HRH4: variants seen among roughly 807,000 people sequenced by gnomAD.
HRH4 encodes histamine H4 receptor.
In HRH4, 12 loss-of-function variants were observed where a neutral mutation model predicts 10.4. The observed-to-expected ratio is 1.15, with a 90% CI of 0.74 to 1.87. The LOEUF is 1.87. Among genes scored for constraint, HRH4 ranks in the 40% most tolerant of loss-of-function variants. HRH4 has a pLI of 0.00. For missense variants in HRH4, 415 were observed against 453.3 expected, an observed-to-expected ratio of 0.92 and a Z score of 0.77; for synonymous variants, 154 against 166.6, an observed-to-expected ratio of 0.92 and a Z score of 0.58.
chr18:24,467,139 A>G lies in HRH4; in HGVS notation c.194-1649A>G, dbSNP rs868295782. On this transcript the variant is annotated intron_variant, in intron 1 of 2. Transcript: ENST00000256906. ...TAGGTTCTTTAACTGTTAACTCAGC[A>G]TGGTCCCTTCCTCACAAAGTTTCTA... Among the ~76,000 whole-genome samples, 11 of 152,338 alleles carry G rather than the reference A, an allele frequency of 7.2e-5. No individual in the cohort carries two copies. In the South Asian group the frequency reaches 1.0e-3, roughly 14 times the overall value.
rs1166171131 is a variant in HRH4 at position 24,476,926 on chromosome 18, A to G, written c.537A>G (p.Ser179=). Residue 179 remains serine (S), a synonymous_variant, in exon 3 of 3, where the codon TCA becomes TCG. Coordinates refer to ENST00000256906, the MANE Select transcript of HRH4 (RefSeq NM_021624.4). ...AATGGTACATCCTTGCCATCACATC[A>G]TTCTTGGAATTCGTGATCCCAGTCA... is the stretch of plus-strand genomic sequence containing the variant. ...FSEWYILAIT[S]FLEFVIPVIL... is the part of the protein sequence containing the mutation. 2 of 1,614,128 alleles carry G rather than the reference A, an allele frequency of 1.2e-6. No individual in the cohort carries two copies. Among genetic ancestry groups the G allele is most frequent in the Non-Finnish European group, 8.5e-7 (1 of 1,180,024 alleles).
In HRH4 at chr18:24,477,435, T is replaced by C; in HGVS notation, c.1046T>C (p.Phe349Ser). ...WYRIAFWLQW[F>S]NSFVNPLLYP... ...AGAATTGCATTTTGGCTTCAGTGGT[T>C]CAATTCCTTTGTCAATCCTCTTTTG... The change falls in exon 3 of 3, where the codon TTC becomes TCC. Residue 349 changes from phenylalanine to serine, a missense_variant. Coordinates refer to ENST00000256906, the MANE Select transcript of HRH4 (RefSeq NM_021624.4). 1 of 1,614,058 alleles carries C rather than the reference T, an allele frequency of 6.2e-7. No homozygotes were observed. The highest frequency in any genetic ancestry group is 2.2e-5 in the East Asian group (1 of 44,896).
At chr18:24,474,199 C>T (rs1164116296) in intron 2 of HRH4, among the ~76,000 whole-genome samples, 1 of 151,792 alleles carries the variant, frequency 6.6e-6, no homozygotes, top group Non-Finnish European at 1.5e-5. Context: ...GTATTGTTAC[C>T]ATCTTCATAA....
At chr18:24,467,057 A>G (rs1185874463) in intron 1 of HRH4, among the ~76,000 whole-genome samples, 1 of 152,206 alleles carries the variant, frequency 6.6e-6, no homozygotes, top group South Asian at 2.1e-4. Flanking sequence ...TTCAGATGCA[A>G]TCTTCTCCAC....
chr18:24,476,959 C>A lies in HRH4; in HGVS notation c.570C>A (p.Val190=). 1 of 1,614,134 alleles carries A rather than the reference C, an allele frequency of 6.2e-7. No homozygotes were observed. The highest frequency in any genetic ancestry group is 1.1e-5 in the South Asian group (1 of 91,074). ...FLEFVIPVIL[V]AYFNMNIYWS... ...AATTCGTGATCCCAGTCATCTTAGT[C>A]GCTTATTTCAACATGAATATTTATT... The change falls in exon 3 of 3, where the codon GTC becomes GTA. Residue 190 remains valine, a synonymous_variant. Transcript: ENST00000256906.
Position 24,477,678 on chromosome 18 carries a change from T to G in HRH4, c.*116T>G. ...CAGATCTGCACTTTGAAGTCAATGGTAAATTACTCCAGTGAATAATAGCAG... is the reference window on the plus strand; with the variant it reads ...CAGATCTGCACTTTGAAGTCAATGGGAAATTACTCCAGTGAATAATAGCAG... On this transcript the variant is annotated 3_prime_UTR_variant, in exon 3 of 3. Transcript: ENST00000256906. 1 of 650,552 alleles carries G rather than the reference T, an allele frequency of 1.5e-6. No homozygotes were observed. Among genetic ancestry groups the G allele is most frequent in the South Asian group, 2.3e-5 (1 of 43,640 alleles). The allele number at this position is 650,552 out of a possible 1,614,324, so 40.3% of individuals were successfully genotyped here.
At chr18:24,471,405 G>A (rs536020470) in intron 2 of HRH4, among the ~76,000 whole-genome samples, 1 of 151,646 alleles carries the variant, frequency 6.6e-6, no homozygotes, top group East Asian at 1.9e-4. Context: ...AGGAGTTGGA[G>A]ACCAGCCTGG....
At chr18:24,475,886 T>C (rs1047670190) in intron 2 of HRH4, among the ~76,000 whole-genome samples, 1 of 152,124 alleles carries the variant, frequency 6.6e-6, no homozygotes, top group African/African-American at 2.4e-5. Context: ...TGGGTATCTG[T>C]AATCCCAGCT....
chr18:24,477,667 G>A lies in HRH4; in HGVS notation c.*105G>A. On this transcript the variant is annotated 3_prime_UTR_variant, in exon 3 of 3. Transcript: ENST00000256906. ...CATTCTACCAACAGATCTGCACTTT[G>A]AAGTCAATGGTAAATTACTCCAGTG... 4.3e-6 allele frequency: 3 copies of A among 697,926 alleles called. No homozygotes were observed. The South Asian group carries it at 6.5e-5, about 15-fold the overall frequency. The allele number at this position is 697,926 out of a possible 1,614,324, so 43.2% of individuals were successfully genotyped here. A position where few individuals can be genotyped will look rare whatever the true frequency, so the allele number is the denominator to read the frequency against.
intron 2 of HRH4, among the ~76,000 whole-genome samples, chr18:24,475,421 C>T (rs757451425): frequency 3.3e-5 from 5 of 152,084 alleles, no homozygotes; most frequent in African/African-American, 9.7e-5. Context: ...TCTAGGAGTT[C>T]GAGACCAGCA....
chr18:24,471,648 C>T (rs1245710095), intron 2 of HRH4, among the ~76,000 whole-genome samples: 1 of 85,342 alleles, frequency 1.2e-5, no homozygotes, highest in Non-Finnish European at 2.5e-5. Context: ...TGTAATAGAA[C>T]AAAATAAAAA....
At position 24,477,007 on chromosome 18, in the gene HRH4, T is replaced by A. The variant is rs750289020; in HGVS notation, c.618T>A (p.His206Gln). The change falls in exon 3 of 3, where the codon CAT becomes CAA. Residue 206 changes from histidine (H) to glutamine (Q), a missense_variant. By Grantham distance (24) the His-to-Gln change is conservative. Transcript: ENST00000256906. ...NIYWSLWKRDHLSRCQSHPGL... is the reference protein window; with the variant it reads ...NIYWSLWKRDQLSRCQSHPGL... ...ATTGGAGCCTGTGGAAGCGTGATCA[T>A]CTCAGTAGGTGCCAAAGCCATCCTG... 1 of 1,614,222 alleles carries A rather than the reference T, an allele frequency of 6.2e-7. No individual in the cohort carries two copies. Among genetic ancestry groups the A allele is most frequent in the Admixed American group, 1.7e-5 (1 of 60,034 alleles).
rs146397664 is a variant in HRH4, at chr18:24,462,415, T to A, written c.193+1494T>A. The stretch of plus-strand genomic sequence containing the variant: ...GCCGTAGGAAATGGGGAAACTGGAG[T>A]GTGGGGCGGCATGCTTTCAGAGATG... On this transcript the variant is annotated intron_variant, in intron 1 of 2. Coordinates refer to ENST00000256906, the MANE Select transcript of HRH4 (RefSeq NM_021624.4). Among the ~76,000 whole-genome samples, 747 of 151,308 alleles carry A rather than the reference T, an allele frequency of 4.9e-3. 1 individual carries two copies. The highest frequency in any genetic ancestry group is 0.017 in the African/African-American group (711 of 41,186).
intron 1 of HRH4, among the ~76,000 whole-genome samples, chr18:24,463,474 A>G (rs958704483): frequency 3.3e-5 from 5 of 152,184 alleles, no homozygotes; most frequent in East Asian, 1.9e-4. Context: ...CTCCTTTGCC[A>G]TGCTGGGAAA....
chr18:24,466,331 C>T (rs1331620452), intron 1 of HRH4, among the ~76,000 whole-genome samples: 1 of 145,646 alleles, frequency 6.9e-6, no homozygotes, highest in Admixed American at 7.1e-5. Context: ...CCATGTTGCC[C>T]AGGCTGGTCT....
intron 2 of HRH4, among the ~76,000 whole-genome samples, chr18:24,470,501 A>ATTTTTT (rs200257355): frequency 0.015 from 1,957 of 129,496 alleles, 114 homozygotes; most frequent in African/African-American, 0.055. Context: ...TTGTTTCTCT[A>ATTTTTT]TTTTTTTTTT....
chr18:24,479,397 T>TA lies in HRH4; in HGVS notation c.*1835_*1836insA, dbSNP rs1453061072. ...TCCTTTATTATGTGGTTAGCATAGG[T>TA]TATACTTTGCTGACGATTCACATTT... On this transcript the variant is annotated 3_prime_UTR_variant, in exon 3 of 3. Coordinates refer to ENST00000256906, the MANE Select transcript of HRH4 (RefSeq NM_021624.4). 1 of 152,242 alleles carries TA rather than the reference T, an allele frequency of 6.6e-6. No individual in the cohort carries two copies. The highest frequency in any genetic ancestry group is 1.5e-5 in the Non-Finnish European group (1 of 68,044). 9.4% of individuals were successfully genotyped at this position (152,242 alleles called of 1,614,324 possible).
rs1910140149 is a variant in HRH4, at chr18:24,476,736, G to A, written c.358-11G>A. On this transcript the variant is annotated splice_polypyrimidine_tract_variant and intron_variant, in intron 2 of 2. Transcript: ENST00000256906. ...CATTCATTATATTGAAAATAATTTG[G>A]TTTCTTCTAGGTGTCTTATAGAACT... 2.5e-6 allele frequency: 4 copies of A among 1,593,264 alleles called. No homozygotes were observed. The East Asian group carries it at 6.7e-5, about 27-fold the overall frequency.
At chr18:24,468,718 C>T (rs1909845767) in intron 1 of HRH4, 70 bp from the exon 2 acceptor site, 1 of 1,322,948 alleles carries the variant, frequency 7.6e-7, no homozygotes. Flanking sequence ...TGTTGTGTAG[C>T]CATTAAAACA....
Sources: gnomAD v4.1 joint callset for allele counts (sites outside exome capture counted in the v4.1 genomes callset) on GRCh38, gnomAD v4.1.1 for gene constraint, MANE v1.5 for transcripts, NCBI Gene and HGNC (gene_info 2026-07-23, HGNC 2026-07-21) for gene names.